Variants in COL28A1 observed in about 807,000 individuals in gnomAD.
COL28A1 encodes the protein collagen type XXVIII alpha 1 chain.
COL28A1 carries 161 observed loss-of-function variants against 150.2 expected under a neutral mutation model. The ratio of observed to expected loss-of-function variants is 1.07; its 90% CI spans 0.94 to 1.22. The LOEUF is 1.22. COL28A1 is among the 50% of genes most tolerant of loss of function. The probability of loss-of-function intolerance (pLI) is 0.00; values close to 1 mark genes in which losing one functional copy is unlikely to be tolerated. For synonymous variants in COL28A1, 552 were observed against 469.7 expected, an observed-to-expected ratio of 1.18 and a Z score of -2.26; for missense variants, 1,617 against 1,388.3, an observed-to-expected ratio of 1.16 and a Z score of -2.62.
intron 30 of COL28A1, among the ~76,000 whole-genome samples, chr7:7,377,973 C>G (rs1328872338): frequency 1.3e-5 from 2 of 151,980 alleles, no homozygotes; most frequent in African/African-American, 4.8e-5. Flanking sequence ...ACAGTGGGGC[C>G]ATACTCTGAG....
intron 6 of COL28A1, among the ~76,000 whole-genome samples, chr7:7,519,073 C>G (rs1337295025): frequency 6.6e-6 from 1 of 152,110 alleles, no homozygotes; most frequent in African/African-American, 2.4e-5. Context: ...ATGCTGCTAA[C>G]AAAGACACAC....
At chr7:7,515,699 G>A (rs1781377856) in intron 8 of COL28A1, 115 bp downstream of exon 8, 2 of 725,324 alleles carry the variant, frequency 2.8e-6, no homozygotes, top group Admixed American at 4.5e-5. Flanking sequence ...CAGGAATGAG[G>A]GAATCCAGAC....
intron 27 of COL28A1, among the ~76,000 whole-genome samples, chr7:7,408,600 GATT>G (rs1162633170): frequency 6.6e-6 from 1 of 152,132 alleles, no homozygotes; most frequent in African/African-American, 2.4e-5. Context: ...TATGAGAAGT[GATT>G]ATTACAGCCC....
chr7:7,378,678 G>A (rs1781699800), intron 30 of COL28A1, among the ~76,000 whole-genome samples: 1 of 152,158 alleles, frequency 6.6e-6, no homozygotes, highest in African/African-American at 2.4e-5. Context: ...CTTGGTATCA[G>A]ACAGGCCACC....
At chr7:7,434,661 C>A (rs964993388) in intron 23 of COL28A1, among the ~76,000 whole-genome samples, 17 of 152,202 alleles carry the variant, frequency 1.1e-4, no homozygotes, top group African/African-American at 3.9e-4. Flanking sequence ...TTATAGAGAT[C>A]TTTGTCCTTG....
In COL28A1 at chr7:7,507,112, C is replaced by G; in HGVS notation, c.972+5G>C. ...CAAACTTAGATTTGGTTTTAACCCC[C>G]TTACCTGAATTCCTCTGGGTCCCTT... On this transcript the variant is annotated splice_donor_5th_base_variant and intron_variant, in intron 10 of 34. Transcript: ENST00000399429. The G allele has an allele frequency of 8.2e-7, 1 of 1,214,338 alleles. No homozygotes were observed. Among genetic ancestry groups the G allele is most frequent in the South Asian group, 1.2e-5 (1 of 82,558 alleles). 75.2% of individuals were successfully genotyped at this position (1,214,338 alleles called of 1,614,324 possible).
chr7:7,388,192 G>T (rs1782310140), intron 27 of COL28A1, among the ~76,000 whole-genome samples: 1 of 151,584 alleles, frequency 6.6e-6, no homozygotes, highest in African/African-American at 2.4e-5. Flanking sequence ...GCCTTGGTGT[G>T]TGATGTTCCC....
chr7:7,370,712 G>C lies in COL28A1; in HGVS notation c.3066+13C>G. 1 of 1,598,480 alleles carries C rather than the reference G, an allele frequency of 6.3e-7. No individual in the cohort carries two copies. The highest frequency in any genetic ancestry group is 8.6e-7 in the Non-Finnish European group (1 of 1,169,572). ...CATTTTAAGCTCACAAAGTAAGTGA[G>C]ACAGTTACTTACTGACTCAGAAATT... On this transcript the variant is annotated intron_variant, in intron 33 of 34. Transcript: ENST00000399429.
chr7:7,490,487 AT>A, intron 12 of COL28A1, 90 bp downstream of exon 12: 1 of 652,904 alleles, frequency 1.5e-6, no homozygotes, highest in Non-Finnish European at 2.7e-6. Flanking sequence ...TGTCTATTGG[AT>A]TTAGGCCAAA....
At chr7:7,502,556 T>C (rs1356725523) in intron 11 of COL28A1, among the ~76,000 whole-genome samples, 1 of 152,216 alleles carries the variant, frequency 6.6e-6, no homozygotes, top group Non-Finnish European at 1.5e-5. Context: ...AGGCAGGCCC[T>C]ATCTAGAACC....
At chr7:7,511,007 T>G in intron 9 of COL28A1, 84 bp downstream of exon 9, 1 of 1,075,332 alleles carries the variant, frequency 9.3e-7, no homozygotes, top group Non-Finnish European at 1.4e-6. Flanking sequence ...GAGATCACCA[T>G]AATTCAGCCC....
chr7:7,471,404 A>C (rs1583450738), intron 15 of COL28A1, among the ~76,000 whole-genome samples: 1 of 152,322 alleles, frequency 6.6e-6, no homozygotes, highest in East Asian at 1.9e-4. Flanking sequence ...AAACCAGGAA[A>C]GGACATAACC....
At position 7,381,565 on chromosome 7, in the gene COL28A1, GC is replaced by G; in HGVS notation, c.2183del (p.Gly728AlafsTer44). 6.2e-7 allele frequency: 1 copy of G among 1,613,604 alleles called. No individual in the cohort carries two copies. Among genetic ancestry groups the G allele is most frequent in the Non-Finnish European group, 8.5e-7 (1 of 1,179,544 alleles). Reference protein sequence around the residue: ...QGFPGPKGTMGHGLPGQKGEH... With the variant: ...QGFPGPKGTMXHGLPGQKGEH... ...TTACCTTCTGGCCTGGGAGGCCATG[GC>G]CCATTGTGCCCTTTGGGCCTGGGAA... On this transcript the variant is annotated frameshift_variant, in exon 28 of 35. Coordinates refer to ENST00000399429, the MANE Select transcript of COL28A1 (RefSeq NM_001037763.3). LOFTEE classifies it high-confidence loss of function.
the COL28A1 span, among the ~76,000 whole-genome samples, chr7:7,340,344 A>G: frequency 1.3e-5 from 2 of 152,192 alleles, no homozygotes; most frequent in Non-Finnish European, 2.9e-5. Flanking sequence ...GCTAGAGTAC[A>G]TAGGAAAACC....
At chr7:7,339,052 C>A in the COL28A1 span, among the ~76,000 whole-genome samples, 93,543 of 152,034 alleles carry the variant, frequency 0.62, 32,678 homozygotes, top group East Asian at 0.87. Flanking sequence ...TAAGCCGACT[C>A]CAAATGCACG....
At chr7:7,499,191 A>C (rs944603418) in intron 11 of COL28A1, among the ~76,000 whole-genome samples, 14 of 152,206 alleles carry the variant, frequency 9.2e-5, no homozygotes, top group African/African-American at 3.1e-4. Flanking sequence ...CCAGAACAGA[A>C]ATAGCATTCA....
the COL28A1 span, among the ~76,000 whole-genome samples, chr7:7,340,212 C>T: frequency 1.3e-5 from 2 of 152,124 alleles, no homozygotes; most frequent in South Asian, 4.1e-4. Flanking sequence ...AGCTACCATG[C>T]CCGGCCCATT....
intron 11 of COL28A1, among the ~76,000 whole-genome samples, chr7:7,494,239 T>C (rs781059368): frequency 1.3e-5 from 2 of 152,132 alleles, no homozygotes; most frequent in Non-Finnish European, 2.9e-5. Flanking sequence ...CTTCTAACAA[T>C]CATAGGAAAT....
chr7:7,380,682 G>T lies in COL28A1; in HGVS notation c.2300C>A (p.Pro767His). ...CACTGTAAGTCCTAGGTCTCCTTTG[G>T]GTCCTTGTAAACCCTACTTAGTGGA... is the stretch of plus-strand genomic sequence containing the variant. ...GSPGKQGLQG[P>H]KGDLGLTKEE... Residue 767 changes from proline to histidine, a missense_variant, in exon 30 of 35, where the codon CCC becomes CAC. Transcript: ENST00000399429. The T allele has an allele frequency of 1.9e-6, 3 of 1,613,654 alleles. No homozygotes were observed. Among genetic ancestry groups the T allele is most frequent in the Non-Finnish European group, 2.5e-6 (3 of 1,179,652 alleles).
Sources: allele counts gnomAD v4.1 joint callset (sites outside exome capture counted in the v4.1 genomes callset), GRCh38; gene constraint gnomAD v4.1.1; transcripts MANE v1.5; gene names NCBI Gene and HGNC (gene_info 2026-07-23, HGNC 2026-07-21).